Variants in DLGAP1 observed in about 807,000 individuals in gnomAD.
DLGAP1 encodes disks large-associated protein 1.
Under a neutral mutation model 90.8 loss-of-function variants are expected in DLGAP1, and 11 were observed. The observed-to-expected ratio is 0.12, with a 90% CI of 0.08 to 0.20. The LOEUF is 0.20. Among genes scored for constraint, DLGAP1 ranks in the 10% least tolerant of loss-of-function variants. The probability of loss-of-function intolerance (pLI) is 1.00; values close to 1 mark genes in which losing one functional copy is unlikely to be tolerated. For missense variants in DLGAP1, 1,050 were observed against 1,333.8 expected (o/e 0.79, Z 3.31); for synonymous variants, 558 against 540.7 (o/e 1.03, Z -0.44).
At chr18:3,960,780 C>T (rs1488862071) in intron 3 of DLGAP1, among the ~76,000 whole-genome samples, 2 of 152,222 alleles carry the variant, frequency 1.3e-5, no homozygotes, top group African/African-American at 4.8e-5. Flanking sequence ...CCTGCAGGTG[C>T]CTGCTCCCCA....
intron 5 of DLGAP1, among the ~76,000 whole-genome samples, chr18:3,769,841 C>T (rs12606501): frequency 0.21 from 30,532 of 146,630 alleles, 3,993 homozygotes; most frequent in African/African-American, 0.38. Flanking sequence ...AATGTTACCA[C>T]GGTGGGTGGG....
rs1163332836 is a variant in DLGAP1, at chr18:3,653,024, A to T, written c.1592-70776T>A. ...AATAAATAGCTGCCTATAGAATATC[A>T]GAGTCATTCTGACTCAGGGGTGACT... On this transcript the variant is annotated intron_variant, in intron 7 of 12. Coordinates refer to ENST00000315677, the MANE Select transcript of DLGAP1 (RefSeq NM_004746.4). This position sits in a 1 kb window ranked among gnomAD's most constrained non-coding sequence, Gnocchi z 4.6. Among the ~76,000 whole-genome samples the T allele has an allele frequency of 6.6e-6, 1 of 152,212 alleles. No individual in the cohort carries two copies. The highest frequency in any genetic ancestry group is 1.5e-5 in the Non-Finnish European group (1 of 68,050).
intron 8 of DLGAP1, among the ~76,000 whole-genome samples, chr18:3,570,435 T>A (rs185529960): frequency 6.6e-6 from 1 of 151,774 alleles, no homozygotes; most frequent in Non-Finnish European, 1.5e-5. Flanking sequence ...TGTGCCACCA[T>A]GCCTGGCTAA....
chr18:3,796,783 T>G (rs2066010552), intron 5 of DLGAP1, among the ~76,000 whole-genome samples: 1 of 152,258 alleles, frequency 6.6e-6, no homozygotes, highest in Non-Finnish European at 1.5e-5. Context: ...ATTCATATTT[T>G]AATCACTTAA....
chr18:3,693,360 T>G (rs1476325762), intron 7 of DLGAP1, among the ~76,000 whole-genome samples: 13 of 152,208 alleles, frequency 8.5e-5, no homozygotes, highest in Admixed American at 8.5e-4. Context: ...CCTCCCAAAG[T>G]GCTGGGATTA....
At chr18:4,083,937 T>A (rs1369304598) in intron 2 of DLGAP1, among the ~76,000 whole-genome samples, 1 of 152,134 alleles carries the variant, frequency 6.6e-6, no homozygotes, top group Admixed American at 6.5e-5. Context: ...GGGCTTTCTG[T>A]TTCCCGGGGT....
At chr18:3,597,335 C>G (rs2056640021) in intron 7 of DLGAP1, 1 of 433,024 alleles carries the variant, frequency 2.3e-6, no homozygotes, top group Non-Finnish European at 4.5e-6. Context: ...TGCCCGGCTG[C>G]TATATGTCTG....
At chr18:3,656,801 C>T (rs60241915) in intron 7 of DLGAP1, among the ~76,000 whole-genome samples, 14,060 of 151,766 alleles carry the variant, frequency 0.093, 1,159 homozygotes, top group African/African-American at 0.22. Context: ...GGCGCAATCT[C>T]GGATCTTGGA....
chr18:3,557,491 C>T (rs1896268222), intron 9 of DLGAP1, among the ~76,000 whole-genome samples: 1 of 152,130 alleles, frequency 6.6e-6, no homozygotes, highest in Non-Finnish European at 1.5e-5. Flanking sequence ...CACTGCACTC[C>T]AGCCTGGGTG....
chr18:3,796,708 T>G lies in DLGAP1; in HGVS notation c.1172+17351A>C, dbSNP rs190720483. Among the ~76,000 whole-genome samples, 243 of 152,332 alleles carry G rather than the reference T, an allele frequency of 1.6e-3. 1 individual carries two copies. The highest frequency in any genetic ancestry group is 3.2e-3 in the Admixed American group (49 of 15,302). ...TCAGCAGGAGATGGAAACTGTCGGATCCTCACCATGCTATCAAAGCAAATT... is the reference window on the plus strand; with the variant it reads ...TCAGCAGGAGATGGAAACTGTCGGAGCCTCACCATGCTATCAAAGCAAATT... On this transcript the variant is annotated intron_variant, in intron 5 of 12. Coordinates refer to ENST00000315677, the MANE Select transcript of DLGAP1 (RefSeq NM_004746.4).
chr18:4,233,131 A>C (rs562255969), intron 1 of DLGAP1, among the ~76,000 whole-genome samples: 2 of 152,284 alleles, frequency 1.3e-5, no homozygotes, highest in East Asian at 3.9e-4. Flanking sequence ...AACATTCTAC[A>C]TGATCAAATC....
intron 7 of DLGAP1, among the ~76,000 whole-genome samples, chr18:3,664,202 A>ACACACACACACC (rs1567923195): frequency 7.2e-6 from 1 of 139,054 alleles, no homozygotes; most frequent in Admixed American, 6.9e-5. Context: ...ACACACACAC[A>ACACACACACACC]CACACACACA....
chr18:4,290,547 G>T (rs771470859), intron 1 of DLGAP1, among the ~76,000 whole-genome samples: 1 of 152,218 alleles, frequency 6.6e-6, no homozygotes, highest in South Asian at 2.1e-4. Flanking sequence ...CACGGTCACT[G>T]TCGGGGAGAA....
chr18:3,907,089 A>C (rs999314998), intron 3 of DLGAP1, among the ~76,000 whole-genome samples: 2 of 152,204 alleles, frequency 1.3e-5, no homozygotes, highest in Non-Finnish European at 1.5e-5. Context: ...AAATATTATA[A>C]TACTATACGA....
At chr18:3,804,859 G>C (rs1257564983) in intron 5 of DLGAP1, among the ~76,000 whole-genome samples, 1 of 152,244 alleles carries the variant, frequency 6.6e-6, no homozygotes, top group African/African-American at 2.4e-5. Context: ...ACGAGGGACA[G>C]AGAAAATAAA....
chr18:4,303,845 T>C (rs1471535627), intron 1 of DLGAP1, among the ~76,000 whole-genome samples: 1 of 152,240 alleles, frequency 6.6e-6, no homozygotes, highest in Non-Finnish European at 1.5e-5. Flanking sequence ...GGCCTTAGAA[T>C]ACCTTGTTGG....
chr18:3,794,430 C>CT (rs3837916), intron 5 of DLGAP1, among the ~76,000 whole-genome samples: 80,406 of 152,008 alleles, frequency 0.53, 21,455 homozygotes, highest in Admixed American at 0.64. Flanking sequence ...CTCTCCGTGT[C>CT]AAAGTCTTGC....
intron 10 of DLGAP1, among the ~76,000 whole-genome samples, chr18:3,523,682 C>T (rs1042449852): frequency 7.2e-5 from 11 of 152,104 alleles, no homozygotes; most frequent in Admixed American, 6.5e-4. Flanking sequence ...CCCGTCTCTA[C>T]TAAAAATACA....
intron 7 of DLGAP1, among the ~76,000 whole-genome samples, chr18:3,695,887 G>A (rs1316499147): frequency 1.1e-5 from 1 of 95,062 alleles, no homozygotes; most frequent in Non-Finnish European, 1.9e-5. Context: ...CTTGAGCAGT[G>A]GTTTGTAGTT....
Sources: allele counts gnomAD v4.1 joint callset (sites outside exome capture counted in the v4.1 genomes callset), GRCh38; gene constraint gnomAD v4.1.1; non-coding constraint Gnocchi (gnomAD v3.1); transcripts MANE v1.5; gene names NCBI Gene and HGNC (gene_info 2026-07-23, HGNC 2026-07-21).